Variants in RIMS2 observed in about 807,000 individuals in gnomAD.
RIMS2 encodes regulating synaptic membrane exocytosis protein 2.
RIMS2 carries 59 observed loss-of-function variants against 174.4 expected under a neutral mutation model. The ratio of observed to expected loss-of-function variants is 0.34; its 90% confidence interval spans 0.27 to 0.42. The LOEUF (loss-of-function observed/expected upper bound fraction) is 0.42, where lower values mean the gene tolerates loss of function less well. RIMS2 is among the 10% of genes least tolerant of loss of function. The pLI is 1.00. For synonymous variants in RIMS2, 606 were observed against 572.5 expected (o/e 1.06, Z -0.84); for missense variants, 1,620 against 1,666.3 (o/e 0.97, Z 0.48).
intron 2 of RIMS2, among the ~76,000 whole-genome samples, chr8:103,700,802 C>A (rs2097158376): frequency 6.6e-6 from 1 of 151,760 alleles, no homozygotes; most frequent in African/African-American, 2.4e-5. Context: ...GTTATTTTAT[C>A]AAGTTATTCA....
At chr8:103,906,273 G>T (rs940017753) in intron 4 of RIMS2, among the ~76,000 whole-genome samples, 8 of 152,022 alleles carry the variant, frequency 5.3e-5, no homozygotes, top group Admixed American at 4.6e-4. Flanking sequence ...ATGAAGTCTC[G>T]TTCTGTTGTT....
At chr8:103,992,937 G>A (rs1429476576) in intron 17 of RIMS2, among the ~76,000 whole-genome samples, 3 of 152,150 alleles carry the variant, frequency 2.0e-5, no homozygotes, top group Admixed American at 6.5e-5. Flanking sequence ...AGACTATGTG[G>A]CCTTAGTATT....
intron 1 of RIMS2, among the ~76,000 whole-genome samples, chr8:103,609,157 T>A (rs996168213): frequency 6.6e-6 from 1 of 152,258 alleles, no homozygotes; most frequent in Admixed American, 6.5e-5. Flanking sequence ...ATGTCTTGTT[T>A]TGAAAAGTGC....
At chr8:104,144,137 C>T (rs1183192919) in intron 19 of RIMS2, among the ~76,000 whole-genome samples, 2 of 152,022 alleles carry the variant, frequency 1.3e-5, no homozygotes, top group African/African-American at 4.8e-5. Context: ...ATTGACAATA[C>T]TAGATTTGCC....
intron 13 of RIMS2, among the ~76,000 whole-genome samples, chr8:103,937,692 G>C (rs889034551): frequency 6.6e-6 from 1 of 152,152 alleles, no homozygotes; most frequent in Admixed American, 6.6e-5. Flanking sequence ...TTCCTGAAGA[G>C]GAAATAAGAA....
intron 1 of RIMS2, among the ~76,000 whole-genome samples, chr8:103,553,924 C>A (rs191409508): frequency 4.7e-4 from 67 of 143,990 alleles, no homozygotes; most frequent in African/African-American, 1.8e-3. Context: ...TAATCTTCGA[C>A]AAACTCAACA....
chr8:103,593,039 T>G (rs2094332979), intron 1 of RIMS2, among the ~76,000 whole-genome samples: 1 of 151,458 alleles, frequency 6.6e-6, no homozygotes, highest in African/African-American at 2.4e-5. Flanking sequence ...CTATTGTTAT[T>G]TACATTTGGA....
At chr8:104,118,796 G>T (rs948712718) in intron 19 of RIMS2, among the ~76,000 whole-genome samples, 3 of 152,110 alleles carry the variant, frequency 2.0e-5, no homozygotes, top group Non-Finnish European at 4.4e-5. Flanking sequence ...GTGGGATTCT[G>T]GTGAAAGCAC....
intron 19 of RIMS2, among the ~76,000 whole-genome samples, chr8:104,083,602 T>A (rs1391648051): frequency 6.6e-6 from 1 of 152,210 alleles, no homozygotes; most frequent in Non-Finnish European, 1.5e-5. Flanking sequence ...TTCTAGTAGA[T>A]CTTATGGGTT....
chr8:103,728,079 C>G (rs1272894690), intron 2 of RIMS2, among the ~76,000 whole-genome samples: 4 of 151,988 alleles, frequency 2.6e-5, no homozygotes, highest in African/African-American at 7.2e-5. Flanking sequence ...CATGGAATAT[C>G]TTTTCATTTT....
At chr8:103,648,946 G>C (rs1383855972) in intron 1 of RIMS2, among the ~76,000 whole-genome samples, 1 of 152,128 alleles carries the variant, frequency 6.6e-6, no homozygotes, top group South Asian at 2.1e-4. Flanking sequence ...TATATTTAAG[G>C]TTAGTATTGT....
intron 19 of RIMS2, among the ~76,000 whole-genome samples, chr8:104,116,281 T>C (rs950079422): frequency 6.6e-6 from 1 of 152,166 alleles, no homozygotes; most frequent in Non-Finnish European, 1.5e-5. Flanking sequence ...GGATGTTCTA[T>C]AAATTGTGTA....
intron 19 of RIMS2, among the ~76,000 whole-genome samples, chr8:104,164,867 T>C (rs2098787371): frequency 1.3e-5 from 2 of 152,126 alleles, no homozygotes; most frequent in South Asian, 4.1e-4. Flanking sequence ...GCTTAATACC[T>C]GGGTGATGAA....
chr8:104,027,487 G>A (rs1445716310), intron 19 of RIMS2, among the ~76,000 whole-genome samples: 1 of 152,068 alleles, frequency 6.6e-6, no homozygotes, highest in Non-Finnish European at 1.5e-5. Context: ...CATTCTTCAA[G>A]GCCATATCAT....
chr8:103,797,391 A>C (rs2098557065), intron 3 of RIMS2, among the ~76,000 whole-genome samples: 1 of 152,232 alleles, frequency 6.6e-6, no homozygotes, highest in Admixed American at 6.5e-5. Context: ...GGGTCTATAC[A>C]TACCAAGTTA....
intron 1 of RIMS2, among the ~76,000 whole-genome samples, chr8:103,533,872 C>T (rs886557380): frequency 6.6e-6 from 1 of 152,144 alleles, no homozygotes; most frequent in Non-Finnish European, 1.5e-5. Context: ...CTAGTGTCAA[C>T]AGTGAACTTC....
At chr8:103,670,750 T>C (rs1231519597) in intron 1 of RIMS2, among the ~76,000 whole-genome samples, 2 of 152,220 alleles carry the variant, frequency 1.3e-5, no homozygotes, top group Non-Finnish European at 2.9e-5. Context: ...TGGATTTCAT[T>C]GTCTATATCA....
At chr8:103,638,554 G>A (rs773200309) in intron 1 of RIMS2, among the ~76,000 whole-genome samples, 18 of 151,922 alleles carry the variant, frequency 1.2e-4, no homozygotes, top group South Asian at 6.2e-4. Context: ...GTTTTTGTTC[G>A]TCCTCAAATA....
Position 103,936,416 on chromosome 8 carries a change from A to G in RIMS2, c.2376-135A>G, listed in dbSNP as rs1450700931. ...AATTTTCATAATAATTTTAAAGGTT[A>G]TAACATTTGCAATGTATGATAATTT... On this transcript the variant is annotated intron_variant, in intron 12 of 23. Transcript: ENST00000504942. 1.3e-5 allele frequency: 7 copies of G among 534,032 alleles called. No homozygotes were observed. In the Admixed American group the frequency reaches 1.9e-4, roughly 14 times the overall value. 33.1% of individuals were successfully genotyped at this position (534,032 alleles called of 1,614,324 possible). A position where few individuals can be genotyped will look rare whatever the true frequency, so the allele number is the denominator to read the frequency against.
Sources: gnomAD v4.1 joint callset for allele counts (sites outside exome capture counted in the v4.1 genomes callset) on GRCh38, gnomAD v4.1.1 for gene constraint, MANE v1.5 for transcripts, NCBI Gene and HGNC (gene_info 2026-07-23, HGNC 2026-07-21) for gene names.